Variants in PPM1F observed in about 807,000 individuals in gnomAD.
PPM1F encodes protein phosphatase, Mg2+/Mn2+ dependent 1F.
In PPM1F, 17 loss-of-function variants were observed where a neutral mutation model predicts 35.5. The observed-to-expected ratio is 0.48, with a 90% confidence interval of 0.33 to 0.72. The LOEUF (loss-of-function observed/expected upper bound fraction) is 0.72, where lower values mean the gene tolerates loss of function less well. PPM1F is among the 30% of genes least tolerant of loss of function. PPM1F has a pLI of 0.02. For missense variants in PPM1F, 521 were observed against 613.0 expected (o/e 0.85, Z 1.59); for synonymous variants, 241 against 255.5 (o/e 0.94, Z 0.54).
At position 21,919,838 on chromosome 22, in the gene PPM1F, C is replaced by T. The variant is rs5756076; in HGVS notation, c.*3254G>A. ...AGCTGTCCTCCCAGCCCTGGGAACA[C>T]GGCTGAGACGGCCCGGTGCCCACGC... On this transcript the variant is annotated 3_prime_UTR_variant, in exon 8 of 8. Coordinates refer to ENST00000263212, the MANE Select transcript of PPM1F (RefSeq NM_014634.4). 6,526 of 152,440 alleles carry T rather than the reference C, an allele frequency of 0.043. 324 individuals are homozygous for T. Among genetic ancestry groups the T allele is most frequent in the East Asian group, 0.23 (1,166 of 5,178 alleles). 9.4% of individuals were successfully genotyped at this position (152,440 alleles called of 1,614,324 possible).
In PPM1F at chr22:21,934,155, G is replaced by T. The variant is rs2070630081; in HGVS notation, c.427C>A (p.Gln143Lys). 4.4e-6 allele frequency: 7 copies of T among 1,577,564 alleles called. No individual in the cohort carries two copies. Among genetic ancestry groups the T allele is most frequent in the Non-Finnish European group, 6.0e-6 (7 of 1,161,662 alleles). Reference sequence around the variant, plus strand: ...GAGGCCCGGGCAGCCAATGGCACCTGCTTCTGCCACTGGCCGGCGACTTCC... The same window carrying T: ...GAGGCCCGGGCAGCCAATGGCACCTTCTTCTGCCACTGGCCGGCGACTTCC... ...LWEVAGQWQK[Q>K]VPLAARASQR... Residue 143 changes from glutamine (Q) to lysine (K), a missense_variant, in exon 4 of 8, where the codon CAG becomes AAG. By Grantham distance (53) the Gln-to-Lys change is moderately conservative (BLOSUM62 1). Coordinates refer to ENST00000263212, the MANE Select transcript of PPM1F (RefSeq NM_014634.4).
At position 21,939,381 on chromosome 22, in the gene PPM1F, G is replaced by T; in HGVS notation, c.355+151C>A. The T allele has an allele frequency of 1.9e-6, 2 of 1,043,500 alleles. No individual in the cohort carries two copies. The highest frequency in any genetic ancestry group is 2.8e-6 in the Non-Finnish European group (2 of 724,354). 64.6% of individuals were successfully genotyped at this position (1,043,500 alleles called of 1,614,324 possible). On this transcript the variant is annotated intron_variant, in intron 3 of 7. Transcript: ENST00000263212. This position sits in a 1 kb window ranked among gnomAD's most constrained non-coding sequence, Gnocchi z 5.1. ...CGCCACCCTCCACCTCACTGGGGCC[G>T]CAAGCCTTCTCTGCTCCTTGATTCT... is the stretch of plus-strand genomic sequence containing the variant.
chr22:21,926,664 C>G (rs2070519516), intron 6 of PPM1F, among the ~76,000 whole-genome samples: 1 of 152,180 alleles, frequency 6.6e-6, no homozygotes, highest in Non-Finnish European at 1.5e-5. Context: ...GTGACGGAGG[C>G]ACCCTGGGAG....
intron 3 of PPM1F, chr22:21,938,121 C>A: frequency 5.4e-6 from 7 of 1,300,030 alleles, no homozygotes; most frequent in Non-Finnish European, 7.1e-6. Context: ...TTCCTTCTAG[C>A]TGCGCCCTCC....
chr22:21,923,918 G>A (rs1422600528), intron 7 of PPM1F, among the ~76,000 whole-genome samples: 2 of 147,766 alleles, frequency 1.4e-5, no homozygotes, highest in Non-Finnish European at 3.0e-5. Flanking sequence ...TCGATCTCTT[G>A]ACCTTGTGAT....
At position 21,921,587 on chromosome 22, in the gene PPM1F, A is replaced by G. The variant is rs1286046624; in HGVS notation, c.*1505T>C. The G allele has an allele frequency of 6.6e-6, 1 of 152,296 alleles. No homozygotes were observed. Among genetic ancestry groups the G allele is most frequent in the African/African-American group, 2.4e-5 (1 of 41,440 alleles). 9.4% of individuals were successfully genotyped at this position (152,296 alleles called of 1,614,324 possible). On this transcript the variant is annotated 3_prime_UTR_variant, in exon 8 of 8. Transcript: ENST00000263212. Reference sequence around the variant, plus strand: ...GTGCACTAGGGGACGTGGAGCTCTCATGCCTGTTCAGGGCATGGGGCAGAG... The same window carrying G: ...GTGCACTAGGGGACGTGGAGCTCTCGTGCCTGTTCAGGGCATGGGGCAGAG...
At chr22:21,938,180 C>T (rs1182528495) in intron 3 of PPM1F, 14 of 1,303,254 alleles carry the variant, frequency 1.1e-5, no homozygotes, top group South Asian at 1.2e-5. Context: ...GGGCTGGTGC[C>T]GGCGCAGCAA....
chr22:21,947,988 C>T (rs1473693706), intron 1 of PPM1F: 1 of 152,208 alleles, frequency 6.6e-6, no homozygotes, highest in Non-Finnish European at 1.5e-5. Context: ...AAACCCTTCT[C>T]TTCTTTTAGA....
rs2070466668 is a variant in PPM1F at position 21,923,140 on chromosome 22, C to CA, written c.1316dup (p.Leu439PhefsTer9). 1.2e-6 allele frequency: 2 copies of CA among 1,613,234 alleles called. No homozygotes were observed. The highest frequency in any genetic ancestry group is 1.7e-6 in the Non-Finnish European group (2 of 1,179,808). Reference sequence around the variant, plus strand: ...TCTCAGGTTCTGGAAGGCTGGAGGGCAAGTCCTGCCTCCTCCCTTCTGCCT... The same window carrying CA: ...TCTCAGGTTCTGGAAGGCTGGAGGGCAAAGTCCTGCCTCCTCCCTTCTGCCT... On this transcript the variant is annotated frameshift_variant, in exon 8 of 8. Transcript: ENST00000263212. LOFTEE classifies it high-confidence loss of function.
chr22:21,938,456 AGGAGGAGAGCGC>A, intron 3 of PPM1F: 1 of 1,133,670 alleles, frequency 8.8e-7, no homozygotes, highest in Non-Finnish European at 1.1e-6. Context: ...GACGAGAGCG[AGGAGGAGAGCGC>A]GGGCACCCAC....
At chr22:21,945,743 C>A in intron 2 of PPM1F, 100 bp downstream of exon 2, 1 of 1,258,484 alleles carries the variant, frequency 7.9e-7, no homozygotes, top group East Asian at 2.6e-5. Context: ...TGCAGATCCC[C>A]GTGTGGGGCT....
At chr22:21,938,150 G>T in intron 3 of PPM1F, 1 of 1,302,972 alleles carries the variant, frequency 7.7e-7, no homozygotes. Context: ...CAGGCCTGCA[G>T]GAGCCCCGAG....
chr22:21,925,931 G>A, intron 6 of PPM1F: 1 of 395,472 alleles, frequency 2.5e-6, no homozygotes, highest in East Asian at 3.8e-5. Flanking sequence ...GCGCCCCTGG[G>A]CAGCATTCTG....
chr22:21,931,062 G>A, intron 6 of PPM1F, 86 bp downstream of exon 6: 3 of 1,560,754 alleles, frequency 1.9e-6, no homozygotes, highest in Non-Finnish European at 2.6e-6. Flanking sequence ...ACTACCTGAA[G>A]TTCCCAGGCT....
In PPM1F at chr22:21,931,301, G is replaced by A; in HGVS notation, c.748-10C>T. 6.2e-7 allele frequency: 1 copy of A among 1,610,518 alleles called. No individual in the cohort carries two copies. On this transcript the variant is annotated splice_polypyrimidine_tract_variant and intron_variant, in intron 5 of 7. Transcript: ENST00000263212. ...TGCCGCTCTGCAGCCGCTGCAGGGA[G>A]AGAGGGCCCATGAGAGTTGAGAGGA...
chr22:21,927,279 G>A (rs561105451), intron 6 of PPM1F, among the ~76,000 whole-genome samples: 3 of 152,296 alleles, frequency 2.0e-5, no homozygotes, highest in South Asian at 2.1e-4. Context: ...CACAGAGTAC[G>A]CACGAATGTT....
chr22:21,941,503 G>A (rs1469433848), intron 2 of PPM1F: 1 of 152,364 alleles, frequency 6.6e-6, no homozygotes, highest in Admixed American at 6.5e-5. Context: ...ATGGGCAATG[G>A]GCTCTGTTTC....
Position 21,939,696 on chromosome 22 carries a change from G to A in PPM1F, c.207-16C>T, listed in dbSNP as rs1601788503. Reference sequence around the variant, plus strand: ...CGGGGCCTTCCTAGGGATGAGGAGGGGGAAGTGAGGGGCAGCCCCCAGCAG... The same window carrying A: ...CGGGGCCTTCCTAGGGATGAGGAGGAGGAAGTGAGGGGCAGCCCCCAGCAG... On this transcript the variant is annotated splice_polypyrimidine_tract_variant and intron_variant, in intron 2 of 7. Coordinates refer to ENST00000263212, the MANE Select transcript of PPM1F (RefSeq NM_014634.4). This position sits in a 1 kb window ranked among gnomAD's most constrained non-coding sequence, Gnocchi z 5.1. 1.3e-6 allele frequency: 2 copies of A among 1,551,394 alleles called. No homozygotes were observed. Among genetic ancestry groups the A allele is most frequent in the Non-Finnish European group, 1.7e-6 (2 of 1,146,860 alleles).
At chr22:21,940,167 G>A (rs1219739493) in intron 2 of PPM1F, among the ~76,000 whole-genome samples, 1 of 152,166 alleles carries the variant, frequency 6.6e-6, no homozygotes, top group East Asian at 1.9e-4. Flanking sequence ...TCCAATGACT[G>A]ATGTCTCTAT....
Sources: gnomAD v4.1 joint callset for allele counts (sites outside exome capture counted in the v4.1 genomes callset) on GRCh38, gnomAD v4.1.1 for gene constraint, Gnocchi (gnomAD v3.1) non-coding constraint, MANE v1.5 for transcripts, NCBI Gene and HGNC (gene_info 2026-07-23, HGNC 2026-07-21) for gene names.